VAC14: variants seen among roughly 807,000 people sequenced by gnomAD.
VAC14 encodes protein VAC14 homolog.
Under a neutral mutation model 85.3 loss-of-function variants are expected in VAC14, and 47 were observed. The ratio of observed to expected loss-of-function variants is 0.55; its 90% confidence interval spans 0.44 to 0.70. The LOEUF (loss-of-function observed/expected upper bound fraction) is 0.70, where lower values mean the gene tolerates loss of function less well. Among genes scored for constraint, VAC14 ranks in the 30% least tolerant of loss-of-function variants. VAC14 has a pLI of 0.00. For synonymous variants in VAC14, 447 were observed against 430.5 expected (o/e 1.04, Z -0.47); for missense variants, 861 against 1,004.3 (o/e 0.86, Z 1.93).
chr16:70,730,786 T>A (rs1377207001), intron 14 of VAC14, among the ~76,000 whole-genome samples: 2 of 152,016 alleles, frequency 1.3e-5, no homozygotes, highest in African/African-American at 4.8e-5. Context: ...GCATCTTTTT[T>A]TAAAGCCTCT....
chr16:70,727,401 G>A lies in VAC14; in HGVS notation c.1661+4094C>T, dbSNP rs765156041. Among the ~76,000 whole-genome samples the A allele has an allele frequency of 2.6e-4, 39 of 152,326 alleles. 1 individual carries two copies. Among genetic ancestry groups the A allele is most frequent in the African/African-American group, 7.7e-4 (32 of 41,574 alleles). On this transcript the variant is annotated intron_variant, in intron 14 of 18. Coordinates refer to ENST00000261776, the MANE Select transcript of VAC14 (RefSeq NM_018052.5). Reference sequence around the variant, plus strand: ...GTCGCGCAGGCTGGAGTGCAGTGGTGTGATCTTGGCTCACTGCAACCTCCG... The same window carrying A: ...GTCGCGCAGGCTGGAGTGCAGTGGTATGATCTTGGCTCACTGCAACCTCCG...
intron 14 of VAC14, among the ~76,000 whole-genome samples, chr16:70,730,863 T>C (rs2054570794): frequency 6.6e-6 from 1 of 152,130 alleles, no homozygotes; most frequent in African/African-American, 2.4e-5. Flanking sequence ...CGGACTACTC[T>C]AGAAATCTCC....
chr16:70,717,829 T>C (rs1280405729), intron 14 of VAC14, among the ~76,000 whole-genome samples: 1 of 152,158 alleles, frequency 6.6e-6, no homozygotes, highest in Admixed American at 6.5e-5. Context: ...TTTCTCTTTT[T>C]TTGTAGGGCG....
At chr16:70,691,396 T>C in intron 18 of VAC14, 1 of 985,456 alleles carries the variant, frequency 1.0e-6, no homozygotes, top group Non-Finnish European at 1.2e-6. Context: ...AGGTTGACCC[T>C]AACACTATGG....
At chr16:70,751,449 G>A (rs1387326632) in intron 12 of VAC14, among the ~76,000 whole-genome samples, 1 of 152,262 alleles carries the variant, frequency 6.6e-6, no homozygotes, top group African/African-American at 2.4e-5. Context: ...TGAAATCTGG[G>A]TCAGGTCCAG....
chr16:70,736,863 C>A (rs952618573), intron 13 of VAC14, among the ~76,000 whole-genome samples: 1 of 147,028 alleles, frequency 6.8e-6, no homozygotes, highest in East Asian at 2.0e-4. Flanking sequence ...CTTTTCCCAG[C>A]AGGGGAGGTG....
At chr16:70,688,981 G>C (rs1597840868) in intron 18 of VAC14, 1 of 985,408 alleles carries the variant, frequency 1.0e-6, no homozygotes, top group African/African-American at 1.7e-5. Context: ...GACCTGGGAA[G>C]GGGTCTCAGG....
At chr16:70,717,321 G>A (rs2054188155) in intron 14 of VAC14, among the ~76,000 whole-genome samples, 2 of 152,376 alleles carry the variant, frequency 1.3e-5, no homozygotes, top group South Asian at 4.1e-4. Flanking sequence ...GGCAGATGGA[G>A]GAGGAAGAGC....
chr16:70,775,927 G>A lies in VAC14; in HGVS notation c.1097-3755C>T, dbSNP rs577626595. Among the ~76,000 whole-genome samples the A allele has an allele frequency of 4.3e-4, 65 of 152,258 alleles. 2 individuals carry two copies. The South Asian group carries it at 0.013, about 30-fold the overall frequency. On this transcript the variant is annotated intron_variant, in intron 9 of 18. Transcript: ENST00000261776. ...TTATTTTAATAGGTATTGTCCTTTA[G>A]GTTCTACCAATTTATGTGTATTTCC...
rs72792871 is a variant in VAC14, at chr16:70,719,805, T to G, written c.1661+11690A>C. Among the ~76,000 whole-genome samples the G allele has an allele frequency of 1.9e-3, 294 of 152,274 alleles. 2 individuals carry two copies. The highest frequency in any genetic ancestry group is 2.9e-3 in the Non-Finnish European group (197 of 68,024). ...AAGCTGGCACAAGCACTTTGGACAG[T>G]ACCTCCCTAAGCCCATGGTATGTCT... On this transcript the variant is annotated intron_variant, in intron 14 of 18. Transcript: ENST00000261776.
Position 70,783,033 on chromosome 16 carries a change from C to T in VAC14, c.811G>A (p.Asp271Asn), listed in dbSNP as rs1327587238. ...NILVIHCQTT[D>N]DLIQLTAMCW... ...CTGTGGGCCCTCCCCCAATACTCAC[C>T]TGTTGTCTGGCAGTGGATCACCAGG... Residue 271 changes from aspartate (D) to asparagine (N), a missense_variant and splice_region_variant, in exon 7 of 19, where the codon GAT (aspartate) becomes AAT (asparagine). Physicochemically the swap from Asp to Asn is conservative, Grantham distance 23. This residue lies in a region of VAC14 where 629 missense variants were observed against 703.1 expected (regional missense o/e 0.89). Coordinates refer to ENST00000261776, the MANE Select transcript of VAC14 (RefSeq NM_018052.5). The T allele has an allele frequency of 6.2e-7, 1 of 1,613,952 alleles. No homozygotes were observed. Among genetic ancestry groups the T allele is most frequent in the East Asian group, 2.2e-5 (1 of 44,884 alleles).
chr16:70,772,456 T>A (rs1396067834), intron 9 of VAC14: 2 of 366,550 alleles, frequency 5.5e-6, no homozygotes, highest in Non-Finnish European at 9.9e-6. Flanking sequence ...CTGAGGGGAA[T>A]GGATGTTTAA....
At chr16:70,702,194 C>T (rs911241552) in intron 14 of VAC14, among the ~76,000 whole-genome samples, 17 of 152,186 alleles carry the variant, frequency 1.1e-4, no homozygotes, top group African/African-American at 2.9e-4. Flanking sequence ...GTGTGGAAAA[C>T]GGCAGTCTGA....
intron 14 of VAC14, among the ~76,000 whole-genome samples, chr16:70,727,573 C>T (rs751612079): frequency 2.0e-5 from 3 of 152,212 alleles, no homozygotes; most frequent in South Asian, 4.1e-4. Flanking sequence ...CTCCTGACCT[C>T]GTGATCCGCA....
At chr16:70,690,767 G>A (rs2053581565) in intron 18 of VAC14, 5 of 985,504 alleles carry the variant, frequency 5.1e-6, no homozygotes, top group Non-Finnish European at 6.0e-6. Context: ...GCCCCACCCT[G>A]CAATCTGACC....
At chr16:70,756,592 C>A (rs928031363) in intron 12 of VAC14, among the ~76,000 whole-genome samples, 4 of 152,114 alleles carry the variant, frequency 2.6e-5, no homozygotes, top group Admixed American at 2.6e-4. Flanking sequence ...AGTGAAGAGC[C>A]CCTCAAGGCG....
At chr16:70,725,617 G>A (rs891943544) in intron 14 of VAC14, among the ~76,000 whole-genome samples, 36 of 151,916 alleles carry the variant, frequency 2.4e-4, no homozygotes, top group African/African-American at 8.2e-4. Flanking sequence ...GCACATATTA[G>A]GGACTGAGCA....
At chr16:70,692,593 G>A (rs1428722472) in intron 18 of VAC14, among the ~76,000 whole-genome samples, 4 of 152,162 alleles carry the variant, frequency 2.6e-5, no homozygotes, top group Admixed American at 6.5e-5. Context: ...TGCTACTCCC[G>A]GCCACCGTGT....
chr16:70,723,696 C>G (rs1265435184), intron 14 of VAC14, among the ~76,000 whole-genome samples: 1 of 152,238 alleles, frequency 6.6e-6, no homozygotes, highest in East Asian at 1.9e-4. Flanking sequence ...CTGACCATCA[C>G]CCTACCAGCC....
Sources: allele counts gnomAD v4.1 joint callset (sites outside exome capture counted in the v4.1 genomes callset), GRCh38; gene constraint gnomAD v4.1.1; regional missense constraint gnomAD v4.1.1; transcripts MANE v1.5; gene names NCBI Gene and HGNC (gene_info 2026-07-23, HGNC 2026-07-21).